The following HAVCR1 variants were observed in gnomAD, a reference collection of about 807,000 sequenced individuals.
HAVCR1 encodes the protein hepatitis A virus cellular receptor 1.
HAVCR1 carries 34 observed loss-of-function variants against 32.0 expected under a neutral mutation model. The observed-to-expected ratio is 1.06, with a 90% CI of 0.81 to 1.42. HAVCR1 has a LOEUF of 1.42. HAVCR1 is among the 40% of genes most tolerant of loss of function. HAVCR1 has a pLI of 0.00. For synonymous variants in HAVCR1, 178 were observed against 170.3 expected (o/e 1.05, Z -0.35); for missense variants, 420 against 442.3 (o/e 0.95, Z 0.45).
At chr5:157,041,391 G>A (rs12656989) in intron 6 of HAVCR1, among the ~76,000 whole-genome samples, 49,051 of 151,872 alleles carry the variant, frequency 0.32, 8,949 homozygotes, top group East Asian at 0.66. Context: ...CTAGCTACTT[G>A]GAAGGCTGAG....
chr5:157,048,931 G>A, intron 5 of HAVCR1, 107 bp downstream of exon 5: 1 of 706,452 alleles, frequency 1.4e-6, no homozygotes, highest in East Asian at 2.5e-5. Context: ...TGTGTGCCTG[G>A]TGTTGGCACT....
At chr5:157,046,124 C>T (rs1046147539) in intron 5 of HAVCR1, among the ~76,000 whole-genome samples, 3 of 152,202 alleles carry the variant, frequency 2.0e-5, no homozygotes, top group African/African-American at 4.8e-5. Context: ...GTGAATCACA[C>T]TGCAGGTCCA....
chr5:157,053,084 TA>T (rs1331136477), intron 3 of HAVCR1, among the ~76,000 whole-genome samples: 1 of 151,926 alleles, frequency 6.6e-6, no homozygotes. Flanking sequence ...GGCTAATTTT[TA>T]AAAAAACTTT....
chr5:157,048,166 G>T (rs1755519639), intron 5 of HAVCR1, among the ~76,000 whole-genome samples: 3 of 152,152 alleles, frequency 2.0e-5, no homozygotes. Flanking sequence ...TGATGAATCA[G>T]TGGAAGCCTC....
chr5:157,057,811 C>T, intron 2 of HAVCR1, 87 bp downstream of exon 2: 2 of 931,668 alleles, frequency 2.1e-6, no homozygotes, highest in South Asian at 1.3e-5. Flanking sequence ...TCCACCACCA[C>T]CATCCCCTCC....
At chr5:157,053,494 G>A (rs1168149881) in intron 3 of HAVCR1, among the ~76,000 whole-genome samples, 4 of 150,532 alleles carry the variant, frequency 2.7e-5, no homozygotes, top group Non-Finnish European at 1.5e-5. Flanking sequence ...TAATTAAAAC[G>A]AAAATAGAGA....
At chr5:157,033,162 T>A (rs1331850945) in intron 7 of HAVCR1, among the ~76,000 whole-genome samples, 4 of 151,666 alleles carry the variant, frequency 2.6e-5, no homozygotes, top group Admixed American at 6.6e-5. Flanking sequence ...TTCATTTTTT[T>A]AAAAAAAATG....
chr5:157,041,642 C>T (rs1320749371), intron 6 of HAVCR1, among the ~76,000 whole-genome samples: 1 of 152,154 alleles, frequency 6.6e-6, no homozygotes, highest in Non-Finnish European at 1.5e-5. Context: ...ATATTATGTT[C>T]CTTTCACTTA....
intron 8 of HAVCR1, among the ~76,000 whole-genome samples, 190 bp from the exon 9 acceptor site, chr5:157,030,031 T>G (rs1754081348): frequency 6.6e-6 from 1 of 152,088 alleles, no homozygotes; most frequent in African/African-American, 2.4e-5. Flanking sequence ...ATTATTAAGT[T>G]GAAGAAAAGT....
intron 2 of HAVCR1, 36 bp from the exon 3 acceptor site, chr5:157,055,569 T>G (rs1756080582): frequency 7.7e-7 from 1 of 1,299,066 alleles, no homozygotes; most frequent in African/African-American, 1.5e-5. Context: ...GAATGAGCCC[T>G]CACTATTTCA....
chr5:157,065,520 G>A, the HAVCR1 span, among the ~76,000 whole-genome samples: 2 of 152,238 alleles, frequency 1.3e-5, no homozygotes, highest in East Asian at 3.9e-4. Context: ...GGAGTTCCAG[G>A]TCAGCCTGGC....
In HAVCR1 at chr5:157,052,624, G is replaced by C. The variant is rs1755834909; in HGVS notation, c.410C>G (p.Thr137Ser). Residue 137 changes from threonine (T) to serine (S), a missense_variant, in exon 4 of 9, where the codon ACT (threonine) becomes AGT (serine). Coordinates refer to ENST00000523175, the MANE Select transcript of HAVCR1 (RefSeq NM_001173393.3). ...TCGAACAGTCGTGACGGTTGGAACA[G>C]TTGTGACAATTGGAGTAGTCGTGAC... is the stretch of plus-strand genomic sequence containing the variant. Reference protein sequence around the residue: ...PKVTTTPIVTTVPTVTTVRTS... With the variant: ...PKVTTTPIVTSVPTVTTVRTS... The C allele has an allele frequency of 1.2e-6, 2 of 1,614,030 alleles. No homozygotes were observed. Among genetic ancestry groups the C allele is most frequent in the African/African-American group, 1.3e-5 (1 of 74,940 alleles).
intron 7 of HAVCR1, among the ~76,000 whole-genome samples, chr5:157,034,241 G>A (rs1370806903): frequency 6.6e-6 from 1 of 151,990 alleles, no homozygotes; most frequent in African/African-American, 2.4e-5. Context: ...GTAATGGTGG[G>A]GAGAGGGTCA....
Position 157,029,872 on chromosome 5 carries a change from A to T in HAVCR1, c.987-31T>A, listed in dbSNP as rs1174291314. 46 of 1,594,928 alleles carry T rather than the reference A, an allele frequency of 2.9e-5. No individual in the cohort carries two copies. In the Admixed American group the frequency reaches 7.8e-4, roughly 27 times the overall value. ...GAAAGAGTTGTTGAAGAATAACATG[A>T]GTAAGAAAAAAAGCAGACCACTTCT... On this transcript the variant is annotated intron_variant, in intron 8 of 8. Transcript: ENST00000523175.
intron 6 of HAVCR1, among the ~76,000 whole-genome samples, chr5:157,040,677 A>C (rs1237179427): frequency 6.6e-6 from 1 of 152,220 alleles, no homozygotes; most frequent in Non-Finnish European, 1.5e-5. Flanking sequence ...AGGCAGGCAG[A>C]TCACCTGAGG....
intron 6 of HAVCR1, 77 bp downstream of exon 6, chr5:157,042,550 T>C: frequency 1.2e-6 from 1 of 855,272 alleles, no homozygotes; most frequent in Non-Finnish European, 1.9e-6. Flanking sequence ...CTTACAGACA[T>C]AGTCTTTAAA....
chr5:157,054,256 T>C (rs1755976254), intron 3 of HAVCR1, among the ~76,000 whole-genome samples: 4 of 150,340 alleles, frequency 2.7e-5, no homozygotes. Context: ...TCCCAGCACT[T>C]TGGGAGACTG....
chr5:157,037,090 G>T, intron 7 of HAVCR1, 157 bp downstream of exon 7: 1 of 639,438 alleles, frequency 1.6e-6, no homozygotes. Context: ...TCCCCCTTGA[G>T]GTAGATGGTA....
At chr5:157,047,876 G>A (rs1181561503) in intron 5 of HAVCR1, among the ~76,000 whole-genome samples, 2 of 152,136 alleles carry the variant, frequency 1.3e-5, no homozygotes, top group African/African-American at 2.4e-5. Flanking sequence ...GGGTTGGGAG[G>A]GGCAGTCTTG....
Sources: allele counts gnomAD v4.1 joint callset (sites outside exome capture counted in the v4.1 genomes callset), GRCh38; gene constraint gnomAD v4.1.1; transcripts MANE v1.5; gene names NCBI Gene and HGNC (gene_info 2026-07-23, HGNC 2026-07-21).